The following RFX3 variants were observed in gnomAD, a reference collection of about 807,000 sequenced individuals.
RFX3 encodes regulatory factor X3.
RFX3 carries 14 observed loss-of-function variants against 98.6 expected under a neutral mutation model. The ratio of observed to expected loss-of-function variants is 0.14; its 90% confidence interval spans 0.09 to 0.22. The LOEUF is 0.22. Among genes scored for constraint, RFX3 ranks in the 10% least tolerant of loss-of-function variants. The pLI, the probability that RFX3 is intolerant of heterozygous loss-of-function variation, is 1.00. For missense variants in RFX3, 639 were observed against 926.9 expected (o/e 0.69, Z 4.03); for synonymous variants, 383 against 328.4 (o/e 1.17, Z -1.80).
chr9:3,469,723 T>C (rs959411374), intron 1 of RFX3, among the ~76,000 whole-genome samples: 3 of 151,624 alleles, frequency 2.0e-5, no homozygotes, highest in African/African-American at 4.9e-5. Flanking sequence ...AAATCAACAA[T>C]GAAAGAAAAA....
At chr9:3,286,485 T>A (rs192362640) in intron 7 of RFX3, among the ~76,000 whole-genome samples, 9 of 151,966 alleles carry the variant, frequency 5.9e-5, no homozygotes. Context: ...AACCTTGAAC[T>A]GAGTCTTCAG....
chr9:3,291,384 AAAAACAAAAAC>A (rs1406843882), intron 6 of RFX3, among the ~76,000 whole-genome samples: 39 of 120,840 alleles, frequency 3.2e-4, no homozygotes, highest in African/African-American at 9.6e-4. Context: ...AAAACAAAAC[AAAAACAAAAAC>A]AAAACAAAAC....
intron 5 of RFX3, among the ~76,000 whole-genome samples, chr9:3,300,372 T>A (rs1232467628): frequency 6.6e-6 from 1 of 151,810 alleles, no homozygotes; most frequent in Non-Finnish European, 1.5e-5. Flanking sequence ...TTTTCCATGA[T>A]ACTTTCCTTT....
intron 1 of RFX3, among the ~76,000 whole-genome samples, chr9:3,479,762 A>C (rs1849585390): frequency 6.6e-6 from 1 of 152,158 alleles, no homozygotes; most frequent in African/African-American, 2.4e-5. Context: ...ATTTTTTTAA[A>C]ACCACAGAAA....
chr9:3,390,874 A>G (rs1196664725), intron 2 of RFX3, among the ~76,000 whole-genome samples: 2 of 152,204 alleles, frequency 1.3e-5, no homozygotes, highest in African/African-American at 4.8e-5. Flanking sequence ...TACTAGCATG[A>G]AAATGGACTA....
chr9:3,423,636 G>A (rs1009192871), intron 1 of RFX3, among the ~76,000 whole-genome samples: 3 of 151,790 alleles, frequency 2.0e-5, no homozygotes, highest in African/African-American at 7.3e-5. Context: ...GCCTGGGGCT[G>A]GGGATGGGTA....
chr9:3,320,752 A>AT (rs112606515), intron 4 of RFX3, among the ~76,000 whole-genome samples: 32,819 of 135,834 alleles, frequency 0.24, 7,854 homozygotes, highest in African/African-American at 0.62. Context: ...ATATACATAT[A>AT]ATGCATGCTA....
At chr9:3,458,016 T>G (rs1847347927) in intron 1 of RFX3, among the ~76,000 whole-genome samples, 1 of 152,112 alleles carries the variant, frequency 6.6e-6, no homozygotes, top group Non-Finnish European at 1.5e-5. Flanking sequence ...AAATGACATC[T>G]GAGTTGAGTC....
At chr9:3,392,206 C>T (rs1171919768) in intron 2 of RFX3, among the ~76,000 whole-genome samples, 1 of 151,944 alleles carries the variant, frequency 6.6e-6, no homozygotes, top group Non-Finnish European at 1.5e-5. Flanking sequence ...TATGGATAAA[C>T]ACCCACAGAT....
At chr9:3,397,385 T>C (rs1243906617) in intron 1 of RFX3, among the ~76,000 whole-genome samples, 1 of 152,226 alleles carries the variant, frequency 6.6e-6, no homozygotes, top group African/African-American at 2.4e-5. Context: ...ACAGTGAACA[T>C]TAATTTTTAA....
chr9:3,319,340 T>G (rs2986703), intron 4 of RFX3, among the ~76,000 whole-genome samples: 18,515 of 151,868 alleles, frequency 0.12, 1,180 homozygotes, highest in Middle Eastern at 0.18. Context: ...GAAAACAGTT[T>G]CACTAAAACA....
intron 2 of RFX3, among the ~76,000 whole-genome samples, chr9:3,356,473 T>C (rs1174154731): frequency 6.6e-6 from 1 of 151,762 alleles, no homozygotes; most frequent in Non-Finnish European, 1.5e-5. Flanking sequence ...CCAAATCATA[T>C]ATGTAAACTT....
At chr9:3,230,081 C>T (rs531269) in intron 15 of RFX3, among the ~76,000 whole-genome samples, 42 of 152,140 alleles carry the variant, frequency 2.8e-4, no homozygotes, top group African/African-American at 8.7e-4. Context: ...AAACAACACT[C>T]CAGATTTTAT....
chr9:3,346,336 C>A (rs959892527), intron 3 of RFX3, among the ~76,000 whole-genome samples: 14 of 151,900 alleles, frequency 9.2e-5, no homozygotes, highest in African/African-American at 3.4e-4. Flanking sequence ...TATAATAAAA[C>A]AAAAAGCATA....
chr9:3,506,603 T>C (rs987083640), intron 1 of RFX3, among the ~76,000 whole-genome samples: 1 of 151,890 alleles, frequency 6.6e-6, no homozygotes, highest in Non-Finnish European at 1.5e-5. Context: ...CCCCAACTTC[T>C]GAAAGTAAGA....
chr9:3,503,298 T>C (rs1399026380), intron 1 of RFX3, among the ~76,000 whole-genome samples: 1 of 152,128 alleles, frequency 6.6e-6, no homozygotes, highest in Non-Finnish European at 1.5e-5. Context: ...GTATATATAA[T>C]TGTATAAGTT....
chr9:3,263,981 C>T (rs979825135), intron 12 of RFX3, among the ~76,000 whole-genome samples: 11 of 150,908 alleles, frequency 7.3e-5, no homozygotes, highest in African/African-American at 2.7e-4. Context: ...TTCCTAATGC[C>T]ATAACTTTCA....
At chr9:3,254,577 G>A (rs760400197) in intron 14 of RFX3, among the ~76,000 whole-genome samples, 1 of 150,326 alleles carries the variant, frequency 6.7e-6, no homozygotes, top group Non-Finnish European at 1.5e-5. Context: ...TTGCTCTGTC[G>A]CCCAGGCTGG....
intron 15 of RFX3, among the ~76,000 whole-genome samples, chr9:3,234,599 A>T (rs913800376): frequency 2.6e-5 from 4 of 152,198 alleles, no homozygotes; most frequent in African/African-American, 9.6e-5. Context: ...TGATCGTGCC[A>T]CTGTACTCCA....
Sources: gnomAD v4.1 joint callset for allele counts (sites outside exome capture counted in the v4.1 genomes callset) on GRCh38, gnomAD v4.1.1 for gene constraint, MANE v1.5 for transcripts, NCBI Gene and HGNC (gene_info 2026-07-23, HGNC 2026-07-21) for gene names.